The following CFAP300 variants were observed in gnomAD, a reference collection of about 807,000 sequenced individuals.
The protein encoded by CFAP300 is cilia- and flagella-associated protein 300.
In CFAP300, 32 loss-of-function variants were observed where a neutral mutation model predicts 33.0. The observed-to-expected ratio is 0.97, with a 90% CI of 0.73 to 1.30. CFAP300 has a LOEUF of 1.30. Among genes scored for constraint, CFAP300 ranks in the 50% most tolerant of loss-of-function variants. The pLI, the probability that CFAP300 is intolerant of heterozygous loss-of-function variation, is 0.00. For synonymous variants in CFAP300, 102 were observed against 106.8 expected (o/e 0.95, Z 0.28); for missense variants, 356 against 318.1 (o/e 1.12, Z -0.90).
chr11:102,065,020 G>T (rs1229469728), intron 3 of CFAP300, among the ~76,000 whole-genome samples: 5 of 152,098 alleles, frequency 3.3e-5, no homozygotes, highest in East Asian at 1.9e-4. Context: ...GTGATAATTT[G>T]ATTAGGGCCT....
chr11:102,062,904 G>A (rs1327881116), intron 3 of CFAP300, among the ~76,000 whole-genome samples: 1 of 152,228 alleles, frequency 6.6e-6, no homozygotes, highest in Non-Finnish European at 1.5e-5. Flanking sequence ...AATGAGATGA[G>A]ATGAAGGAAG....
chr11:102,055,713 C>T (rs1186671507), intron 2 of CFAP300, among the ~76,000 whole-genome samples: 1 of 145,852 alleles, frequency 6.9e-6, no homozygotes. Context: ...CGCTCTGTCG[C>T]CCAGGCTGGA....
At chr11:102,074,099 T>C (rs540671713) in intron 4 of CFAP300, among the ~76,000 whole-genome samples, 8 of 152,186 alleles carry the variant, frequency 5.3e-5, no homozygotes, top group Admixed American at 3.9e-4. Context: ...GGGGATGTCA[T>C]TGGGGCTCTA....
intron 3 of CFAP300, among the ~76,000 whole-genome samples, chr11:102,059,297 G>A (rs981712669): frequency 8.0e-5 from 4 of 49,786 alleles, no homozygotes; most frequent in African/African-American, 1.8e-4. Flanking sequence ...GTGTGTGTGT[G>A]TGTGTGTGTG....
chr11:102,059,231 A>G (rs1942104926), intron 3 of CFAP300, among the ~76,000 whole-genome samples: 1 of 151,912 alleles, frequency 6.6e-6, no homozygotes, highest in African/African-American at 2.4e-5. Context: ...GATATAGGGA[A>G]CATTAAGGTA....
intron 4 of CFAP300, among the ~76,000 whole-genome samples, chr11:102,072,779 CT>C (rs570504045): frequency 2.8e-4 from 43 of 152,074 alleles, no homozygotes; most frequent in Admixed American, 1.6e-3. Context: ...ATTGGATTGG[CT>C]TTTTTAGGAG....
chr11:102,077,576 C>T lies in CFAP300; in HGVS notation c.608+1531C>T, dbSNP rs989169796. ...CCTTTTTTATTTTTTAAATTTTAAT[C>T]ATTTATTTTTTGAGACGGAGTCTCA... On this transcript the variant is annotated intron_variant, in intron 5 of 6. Transcript: ENST00000434758. Among the ~76,000 whole-genome samples the T allele has an allele frequency of 5.9e-5, 9 of 152,152 alleles. No individual in the cohort carries two copies. The East Asian group carries it at 1.7e-3, about 29-fold the overall frequency.
In CFAP300 at chr11:102,047,595, C is replaced by A. The variant is rs1429576787; in HGVS notation, c.110+15C>A. 1 of 1,533,600 alleles carries A rather than the reference C, an allele frequency of 6.5e-7. No homozygotes were observed. Among genetic ancestry groups the A allele is most frequent in the Non-Finnish European group, 8.7e-7 (1 of 1,144,586 alleles). The allele number at this position is 1,533,600 out of a possible 1,614,324, so 95.0% of individuals were successfully genotyped here. ...CTCCGCCAGTGGTGAGGAACCGAGG[C>A]ACAGGGAGAGAAGAGGCCCTTGGTC... On this transcript the variant is annotated intron_variant, in intron 1 of 6. Coordinates refer to ENST00000434758, the MANE Select transcript of CFAP300 (RefSeq NM_032930.3).
intron 5 of CFAP300, among the ~76,000 whole-genome samples, chr11:102,079,591 C>T (rs1942446124): frequency 6.6e-6 from 1 of 152,174 alleles, no homozygotes; most frequent in South Asian, 2.1e-4. Flanking sequence ...ACCGCTCAAA[C>T]TGAGTCTTCC....
At chr11:102,054,819 G>T (rs1942025751) in intron 2 of CFAP300, among the ~76,000 whole-genome samples, 1 of 150,762 alleles carries the variant, frequency 6.6e-6, no homozygotes, top group Admixed American at 6.6e-5. Flanking sequence ...GTGATCACTT[G>T]AAGGGAATGT....
intron 4 of CFAP300, among the ~76,000 whole-genome samples, chr11:102,071,653 T>G (rs1001932696): frequency 6.6e-6 from 1 of 152,200 alleles, no homozygotes; most frequent in Non-Finnish European, 1.5e-5. Flanking sequence ...CTAGTGATGA[T>G]GAATTCCTTC....
intron 4 of CFAP300, among the ~76,000 whole-genome samples, chr11:102,075,561 A>G (rs1483828502): frequency 2.6e-5 from 4 of 152,218 alleles, no homozygotes; most frequent in African/African-American, 9.7e-5. Flanking sequence ...ATTTATTTCC[A>G]AATAAGATTT....
At chr11:102,071,472 T>C (rs1942312045) in intron 4 of CFAP300, among the ~76,000 whole-genome samples, 1 of 152,222 alleles carries the variant, frequency 6.6e-6, no homozygotes, top group South Asian at 2.1e-4. Flanking sequence ...CATACTTCTG[T>C]CATTTTGTTA....
intron 3 of CFAP300, among the ~76,000 whole-genome samples, chr11:102,060,008 G>A (rs1942125187): frequency 6.6e-6 from 1 of 151,920 alleles, no homozygotes; most frequent in African/African-American, 2.4e-5. Flanking sequence ...GTGTCTCACT[G>A]TCACCCAGAC....
chr11:102,053,237 ATAAT>A (rs562002214), intron 2 of CFAP300, among the ~76,000 whole-genome samples: 1 of 150,238 alleles, frequency 6.7e-6, no homozygotes, highest in Non-Finnish European at 1.5e-5. Context: ...TCAAAAAAAA[ATAAT>A]TAATTAAAAA....
chr11:102,057,500 G>A (rs1942077954), intron 2 of CFAP300, among the ~76,000 whole-genome samples: 2 of 151,622 alleles, frequency 1.3e-5, no homozygotes, highest in South Asian at 4.2e-4. Flanking sequence ...CATATGTGTT[G>A]CAAATATTTT....
intron 3 of CFAP300, among the ~76,000 whole-genome samples, chr11:102,065,150 A>G (rs1176864122): frequency 6.6e-6 from 1 of 152,152 alleles, no homozygotes; most frequent in Non-Finnish European, 1.5e-5. Flanking sequence ...TTGGTCACCC[A>G]GGCTGGAGTG....
chr11:102,069,970 C>T (rs1327163974), intron 4 of CFAP300, among the ~76,000 whole-genome samples: 1 of 152,096 alleles, frequency 6.6e-6, no homozygotes, highest in African/African-American at 2.4e-5. Flanking sequence ...CTGTCTCCTC[C>T]ACCCCCCAAA....
At chr11:102,073,156 G>A (rs150769479) in intron 4 of CFAP300, among the ~76,000 whole-genome samples, 2 of 152,328 alleles carry the variant, frequency 1.3e-5, no homozygotes, top group East Asian at 3.9e-4. Flanking sequence ...GGCTGGGTGT[G>A]TGGATGTGTG....
Sources: allele counts gnomAD v4.1 joint callset (sites outside exome capture counted in the v4.1 genomes callset), GRCh38; gene constraint gnomAD v4.1.1; transcripts MANE v1.5; gene names NCBI Gene and HGNC (gene_info 2026-07-23, HGNC 2026-07-21).